GPC5: variants seen among roughly 807,000 people sequenced by gnomAD.
GPC5 encodes glypican-5.
Under a neutral mutation model 53.9 loss-of-function variants are expected in GPC5, and 47 were observed. The ratio of observed to expected loss-of-function variants is 0.87; its 90% confidence interval spans 0.69 to 1.11. GPC5 has a LOEUF of 1.11. GPC5 is among the 50% of genes most tolerant of loss of function. The pLI, the probability that GPC5 is intolerant of heterozygous loss-of-function variation, is 0.00. For missense variants in GPC5, 748 were observed against 713.1 expected (o/e 1.05, Z -0.56); for synonymous variants, 286 against 263.3 (o/e 1.09, Z -0.84).
intron 7 of GPC5, among the ~76,000 whole-genome samples, chr13:92,620,374 C>T (rs1884831906): frequency 6.6e-6 from 1 of 152,074 alleles, no homozygotes; most frequent in Admixed American, 6.6e-5. Flanking sequence ...ATAAGTAATG[C>T]AGCTGGCCTA....
At chr13:92,722,391 A>T (rs990624266) in intron 7 of GPC5, among the ~76,000 whole-genome samples, 1 of 151,944 alleles carries the variant, frequency 6.6e-6, no homozygotes, top group Non-Finnish European at 1.5e-5. Context: ...CTTTTCAGTC[A>T]TGAGCCCCTT....
At chr13:91,870,155 A>G (rs1280357679) in intron 5 of GPC5, among the ~76,000 whole-genome samples, 1 of 152,194 alleles carries the variant, frequency 6.6e-6, no homozygotes, top group Non-Finnish European at 1.5e-5. Context: ...ACATTCACCA[A>G]GGTGAATTGA....
intron 5 of GPC5, among the ~76,000 whole-genome samples, chr13:91,859,458 A>G (rs1400360039): frequency 1.3e-5 from 2 of 152,182 alleles, no homozygotes; most frequent in Admixed American, 6.5e-5. Flanking sequence ...TAGAAAACCT[A>G]GAGTATATTG....
intron 2 of GPC5, among the ~76,000 whole-genome samples, chr13:91,478,465 T>C (rs1050198566): frequency 1.3e-5 from 2 of 152,022 alleles, no homozygotes; most frequent in African/African-American, 4.8e-5. Context: ...TTATATATGC[T>C]ATTTATTTTG....
intron 7 of GPC5, among the ~76,000 whole-genome samples, chr13:92,770,866 G>A (rs923766720): frequency 3.9e-5 from 6 of 152,140 alleles, no homozygotes; most frequent in Non-Finnish European, 7.4e-5. Flanking sequence ...TAATGCCTGC[G>A]AGGTGTGGAT....
At chr13:92,038,363 GATAGA>G (rs2040911569) in intron 6 of GPC5, among the ~76,000 whole-genome samples, 1 of 127,740 alleles carries the variant, frequency 7.8e-6, no homozygotes, top group African/African-American at 3.1e-5. Flanking sequence ...TAGATAGATA[GATAGA>G]TAGATAGATA....
At chr13:92,093,313 A>G (rs1314837382) in intron 6 of GPC5, among the ~76,000 whole-genome samples, 1 of 152,122 alleles carries the variant, frequency 6.6e-6, no homozygotes, top group East Asian at 1.9e-4. Flanking sequence ...ACAAATCCCA[A>G]TTGAGAAGTA....
intron 7 of GPC5, among the ~76,000 whole-genome samples, chr13:92,847,666 C>A (rs1467892214): frequency 1.3e-5 from 2 of 151,204 alleles, no homozygotes; most frequent in African/African-American, 4.9e-5. Flanking sequence ...TCAGGTAGTT[C>A]TTTATAGCAA....
intron 6 of GPC5, among the ~76,000 whole-genome samples, chr13:92,119,685 G>T (rs1428113190): frequency 6.7e-6 from 1 of 148,378 alleles, no homozygotes; most frequent in Non-Finnish European, 1.5e-5. Context: ...CTCCCAAAGT[G>T]CTGGGAGAAT....
intron 5 of GPC5, among the ~76,000 whole-genome samples, chr13:91,822,884 A>G (rs2038518314): frequency 6.6e-6 from 1 of 152,156 alleles, no homozygotes; most frequent in Admixed American, 6.5e-5. Flanking sequence ...CTCTTTATAA[A>G]GTTTTGAAAA....
Position 92,206,063 on chromosome 13 carries a change from A to C in GPC5, c.1561+61074A>C, listed in dbSNP as rs1345175073. 2.2e-3 allele frequency among the ~76,000 whole-genome samples: 305 copies of C among 137,244 alleles called. 2 individuals carry two copies. The highest frequency in any genetic ancestry group is 8.1e-3 in the African/African-American group (292 of 35,966). 90.0% of individuals were successfully genotyped at this position (137,244 alleles called of 152,430 possible). On this transcript the variant is annotated intron_variant, in intron 7 of 7. Coordinates refer to ENST00000377067, the MANE Select transcript of GPC5 (RefSeq NM_004466.6). ...ATCTCAAAAAAAAAAAAAAAAAAAA[A>C]CCCAACAACGATTCCATTCTGTAAT...
At chr13:92,303,016 A>G (rs1264167989) in intron 7 of GPC5, among the ~76,000 whole-genome samples, 6 of 152,122 alleles carry the variant, frequency 3.9e-5, no homozygotes, top group Admixed American at 3.9e-4. Flanking sequence ...TCTGATCTAG[A>G]ATTAATTTTT....
chr13:92,573,942 C>T (rs1267072181), intron 7 of GPC5, among the ~76,000 whole-genome samples: 5 of 152,104 alleles, frequency 3.3e-5, no homozygotes, highest in Admixed American at 2.6e-4. Flanking sequence ...GGCAAACCGA[C>T]GAAGTTCTCC....
intron 7 of GPC5, among the ~76,000 whole-genome samples, chr13:92,326,024 G>A (rs1413818190): frequency 2.0e-5 from 3 of 152,038 alleles, no homozygotes; most frequent in Admixed American, 2.0e-4. Flanking sequence ...ATAAAAATAA[G>A]ACTTTCTAGA....
intron 5 of GPC5, among the ~76,000 whole-genome samples, chr13:91,887,015 C>A (rs1317526374): frequency 6.6e-6 from 1 of 152,158 alleles, no homozygotes; most frequent in African/African-American, 2.4e-5. Flanking sequence ...GGGGACAGAG[C>A]CCACATTTCC....
At chr13:91,973,693 C>T (rs957042473) in intron 6 of GPC5, among the ~76,000 whole-genome samples, 1 of 152,160 alleles carries the variant, frequency 6.6e-6, no homozygotes, top group African/African-American at 2.4e-5. Flanking sequence ...ACAGACAGGA[C>T]CCTCAGCTGC....
At chr13:92,170,003 T>C (rs184018782) in intron 7 of GPC5, among the ~76,000 whole-genome samples, 1 of 152,144 alleles carries the variant, frequency 6.6e-6, no homozygotes, top group Admixed American at 6.5e-5. Context: ...GCATAAAATA[T>C]TACAATGGAA....
intron 2 of GPC5, among the ~76,000 whole-genome samples, chr13:91,480,475 A>G (rs555346134): frequency 2.0e-5 from 3 of 152,336 alleles, no homozygotes; most frequent in South Asian, 4.1e-4. Context: ...ACCACTTTCT[A>G]TAATCCACTG....
At chr13:92,049,646 T>C (rs1442961908) in intron 6 of GPC5, among the ~76,000 whole-genome samples, 1 of 152,154 alleles carries the variant, frequency 6.6e-6, no homozygotes, top group Non-Finnish European at 1.5e-5. Flanking sequence ...ACTATTAGTA[T>C]TATGCAAATT....
Sources: allele counts gnomAD v4.1 joint callset (sites outside exome capture counted in the v4.1 genomes callset), GRCh38; gene constraint gnomAD v4.1.1; transcripts MANE v1.5; gene names NCBI Gene and HGNC (gene_info 2026-07-23, HGNC 2026-07-21).